The following SIPA1L3 variants were observed in gnomAD, a reference collection of about 807,000 sequenced individuals.
SIPA1L3 encodes signal induced proliferation associated 1 like 3.
Under a neutral mutation model 150.1 loss-of-function variants are expected in SIPA1L3, and 59 were observed. The observed-to-expected ratio is 0.39, with a 90% confidence interval of 0.32 to 0.49. SIPA1L3 has a LOEUF of 0.49. Ranked by LOEUF, SIPA1L3 falls within the 20% of genes least tolerant of loss-of-function variation. The pLI is 0.86. For missense variants in SIPA1L3, 2,211 were observed against 2,489.5 expected (o/e 0.89, Z 2.38); for synonymous variants, 1,070 against 1,077.6 (o/e 0.99, Z 0.14).
chr19:38,105,775 A>G (rs1363313016), intron 6 of SIPA1L3, among the ~76,000 whole-genome samples: 1 of 152,134 alleles, frequency 6.6e-6, no homozygotes, highest in East Asian at 1.9e-4. Context: ...ATATTTTTCC[A>G]CAGTGTGAAT....
chr19:38,103,941 T>C (rs929904324), intron 6 of SIPA1L3, among the ~76,000 whole-genome samples: 4 of 147,466 alleles, frequency 2.7e-5, no homozygotes, highest in African/African-American at 1.0e-4. Context: ...AAAATATATA[T>C]ATGTATATGA....
In SIPA1L3 at chr19:38,162,278, G is replaced by C; in HGVS notation, c.3687G>C (p.Gln1229His). The C allele has an allele frequency of 6.2e-7, 1 of 1,614,226 alleles. No individual in the cohort carries two copies. Among genetic ancestry groups the C allele is most frequent in the South Asian group, 1.1e-5 (1 of 91,090 alleles). ...AGCCTTTGTGGCATGTGCCTGCCCA[G>C]GCCAGGCTCTCAGCCATAGCCGGAA... ...KPEPLWHVPAQARLSAIAGSS... is the reference protein window; with the variant it reads ...KPEPLWHVPAHARLSAIAGSS... Residue 1229 changes from glutamine to histidine, a missense_variant, in exon 14 of 22, where the codon CAG becomes CAC. Coordinates refer to ENST00000222345, the MANE Select transcript of SIPA1L3 (RefSeq NM_015073.3).
At chr19:38,149,572 C>G (rs1400316538) in intron 12 of SIPA1L3, among the ~76,000 whole-genome samples, 1 of 152,170 alleles carries the variant, frequency 6.6e-6, no homozygotes, top group East Asian at 1.9e-4. Flanking sequence ...AAGATTGTTT[C>G]TTTCCCCACA....
intron 1 of SIPA1L3, among the ~76,000 whole-genome samples, chr19:37,917,400 A>G (rs1458776475): frequency 1.3e-5 from 2 of 152,212 alleles, no homozygotes; most frequent in African/African-American, 2.4e-5. Flanking sequence ...ACAAGCAGTT[A>G]TAGCTAACCA....
chr19:37,988,207 T>A (rs991761744), intron 1 of SIPA1L3, among the ~76,000 whole-genome samples: 1 of 152,064 alleles, frequency 6.6e-6, no homozygotes, highest in Non-Finnish European at 1.5e-5. Flanking sequence ...GGATCTGGAG[T>A]ACCAGCATCT....
At chr19:38,088,526 G>A (rs1970190902) in intron 3 of SIPA1L3, among the ~76,000 whole-genome samples, 195 bp from the exon 4 acceptor site, 1 of 152,204 alleles carries the variant, frequency 6.6e-6, no homozygotes. Context: ...TTGGCAGGTG[G>A]TACAGTAAGG....
At position 37,950,356 on chromosome 19, in the gene SIPA1L3, C is replaced by T. The variant is rs115829497; in HGVS notation, c.-379+42998C>T. 8.5e-3 allele frequency among the ~76,000 whole-genome samples: 1,291 copies of T among 152,198 alleles called. 21 individuals carry two copies. Among genetic ancestry groups the T allele is most frequent in the African/African-American group, 0.03 (1,232 of 41,506 alleles). On this transcript the variant is annotated intron_variant, in intron 1 of 21. Coordinates refer to ENST00000222345, the MANE Select transcript of SIPA1L3 (RefSeq NM_015073.3). ...CATCCTTACTTTTCCTTCCTGAGGC[C>T]GGATGGTGCTCTACAGTTCAAGATA...
chr19:38,124,765 T>C (rs1297279801), intron 9 of SIPA1L3, among the ~76,000 whole-genome samples: 5 of 152,212 alleles, frequency 3.3e-5, no homozygotes, highest in Non-Finnish European at 5.9e-5. Context: ...CTCGGGAGGC[T>C]GAGGCTGGCG....
chr19:37,988,793 G>A (rs1314688205), intron 1 of SIPA1L3, among the ~76,000 whole-genome samples: 1 of 152,172 alleles, frequency 6.6e-6, no homozygotes, highest in Non-Finnish European at 1.5e-5. Context: ...CTTGTCCTCT[G>A]CTTCCTGCCC....
At chr19:38,004,618 A>G (rs1967892616) in intron 1 of SIPA1L3, among the ~76,000 whole-genome samples, 1 of 152,194 alleles carries the variant, frequency 6.6e-6, no homozygotes, top group Non-Finnish European at 1.5e-5. Context: ...AAAAGAAGGT[A>G]TCTGTCCCGA....
At chr19:37,927,727 GGTGT>G (rs59246699) in intron 1 of SIPA1L3, among the ~76,000 whole-genome samples, 21 of 139,574 alleles carry the variant, frequency 1.5e-4, no homozygotes, top group African/African-American at 3.2e-4. Context: ...AAGAACATGG[GGTGT>G]GTGTGTGTGT....
intron 12 of SIPA1L3, 36 bp from the exon 13 acceptor site, chr19:38,152,804 C>T (rs1971856521): frequency 3.2e-6 from 5 of 1,586,460 alleles, no homozygotes; most frequent in East Asian, 2.3e-5. Flanking sequence ...ATAGGCTGAT[C>T]TTTAACCCTG....
chr19:38,189,777 A>C lies in SIPA1L3; in HGVS notation c.4431-2368A>C, dbSNP rs553005639. Among the ~76,000 whole-genome samples, 7 of 152,300 alleles carry C rather than the reference A, an allele frequency of 4.6e-5. No homozygotes were observed. In the East Asian group the frequency reaches 1.4e-3, roughly 29 times the overall value. The stretch of plus-strand genomic sequence containing the variant: ...CAAGACCCTGTCTCAAAAAAAATAG[A>C]AAAAGAAAGTGAATCCCACACGTGT... On this transcript the variant is annotated intron_variant, in intron 16 of 21. Transcript: ENST00000222345.
chr19:38,206,039 G>A (rs1973202056), intron 21 of SIPA1L3, 58 bp from the exon 22 acceptor site: 10 of 1,478,966 alleles, frequency 6.8e-6, no homozygotes, highest in African/African-American at 2.8e-5. Context: ...GGGAGCCATC[G>A]GCTGTTCCAG....
At chr19:38,167,491 A>G (rs1972235883) in intron 15 of SIPA1L3, among the ~76,000 whole-genome samples, 1 of 152,142 alleles carries the variant, frequency 6.6e-6, no homozygotes, top group African/African-American at 2.4e-5. Flanking sequence ...GGGCTGAAGG[A>G]GGAAAGAGGA....
intron 4 of SIPA1L3, among the ~76,000 whole-genome samples, chr19:38,099,158 C>T (rs532101909): frequency 1.3e-5 from 2 of 152,238 alleles, no homozygotes; most frequent in Admixed American, 6.5e-5. Context: ...GCCTCAGCCT[C>T]CCAAGTAGCT....
intron 1 of SIPA1L3, among the ~76,000 whole-genome samples, chr19:37,955,264 G>A (rs1442195579): frequency 6.6e-6 from 1 of 151,900 alleles, no homozygotes; most frequent in African/African-American, 2.4e-5. Flanking sequence ...GTTGGCACAT[G>A]CCTGTAATCC....
At chr19:38,189,687 A>C (rs1314104115) in intron 16 of SIPA1L3, among the ~76,000 whole-genome samples, 2 of 151,988 alleles carry the variant, frequency 1.3e-5, no homozygotes, top group African/African-American at 4.8e-5. Flanking sequence ...AATTGCTTGA[A>C]CCTGGGAGGC....
Position 38,041,513 on chromosome 19 carries a change from G to A in SIPA1L3, c.-311+12357G>A, listed in dbSNP as rs191615418. 4.5e-3 allele frequency among the ~76,000 whole-genome samples: 686 copies of A among 151,866 alleles called. 4 individuals are homozygous for A. Among genetic ancestry groups the A allele is most frequent in the African/African-American group, 0.015 (629 of 41,400 alleles). On this transcript the variant is annotated intron_variant, in intron 2 of 21. Transcript: ENST00000222345. ...AGGCTGATCTCAAACTCCTGACCTC[G>A]TGATCCGCCTGCCTCAGCCTCCCAA...
Sources: gnomAD v4.1 joint callset for allele counts (sites outside exome capture counted in the v4.1 genomes callset) on GRCh38, gnomAD v4.1.1 for gene constraint, MANE v1.5 for transcripts, NCBI Gene and HGNC (gene_info 2026-07-23, HGNC 2026-07-21) for gene names.